The following RAB10 variants were observed in gnomAD, a reference collection of about 807,000 sequenced individuals.
The protein encoded by RAB10 is ras-related protein Rab-10.
In RAB10, 5 loss-of-function variants were observed where a neutral mutation model predicts 25.7. The observed-to-expected ratio is 0.19, with a 90% CI of 0.10 to 0.41. The LOEUF is 0.41. Among genes scored for constraint, RAB10 ranks in the 10% least tolerant of loss-of-function variants. The pLI is 1.00. For synonymous variants in RAB10, 89 were observed against 86.4 expected, an observed-to-expected ratio of 1.03 and a Z score of -0.16; for missense variants, 103 against 245.8, an observed-to-expected ratio of 0.42 and a Z score of 3.89.
At chr2:26,035,502 C>T (rs1232494660) in intron 1 of RAB10, among the ~76,000 whole-genome samples, 3 of 152,142 alleles carry the variant, frequency 2.0e-5, no homozygotes, top group Admixed American at 1.3e-4. Context: ...TTCAGAATTA[C>T]TTAGTGTGGA....
chr2:26,082,734 A>G (rs978653480), intron 1 of RAB10, among the ~76,000 whole-genome samples: 8 of 152,172 alleles, frequency 5.3e-5, no homozygotes, highest in African/African-American at 1.9e-4. Context: ...GCAAGAGGGT[A>G]TGCTTTCCAA....
chr2:26,064,202 A>G (rs1158458721), intron 1 of RAB10, among the ~76,000 whole-genome samples: 1 of 152,232 alleles, frequency 6.6e-6, no homozygotes, highest in African/African-American at 2.4e-5. Context: ...TAATTAATAA[A>G]TAATAATGAG....
At chr2:26,094,801 C>A (rs986346608) in intron 1 of RAB10, among the ~76,000 whole-genome samples, 8 of 152,156 alleles carry the variant, frequency 5.3e-5, no homozygotes, top group African/African-American at 1.4e-4. Context: ...TAAAGTGATA[C>A]CCCCGCCTCA....
At chr2:26,115,866 T>G (rs964811456) in intron 3 of RAB10, among the ~76,000 whole-genome samples, 3 of 151,270 alleles carry the variant, frequency 2.0e-5, no homozygotes, top group East Asian at 1.9e-4. Context: ...TACTGTTTTT[T>G]TTTTTTTTTT....
chr2:26,093,747 C>A (rs1667155291), intron 1 of RAB10, among the ~76,000 whole-genome samples: 1 of 152,156 alleles, frequency 6.6e-6, no homozygotes. Context: ...TACTAAGAGG[C>A]ATTTTCACAA....
intron 1 of RAB10, among the ~76,000 whole-genome samples, chr2:26,074,027 A>G (rs1666682569): frequency 1.3e-5 from 2 of 152,130 alleles, no homozygotes; most frequent in Non-Finnish European, 2.9e-5. Flanking sequence ...CTGGCAACGG[A>G]ATTTGGACTT....
At chr2:26,058,622 T>G (rs1486970942) in intron 1 of RAB10, among the ~76,000 whole-genome samples, 1 of 152,160 alleles carries the variant, frequency 6.6e-6, no homozygotes, top group East Asian at 1.9e-4. Context: ...ATTGTTTTGT[T>G]TACCCTGCAG....
In RAB10 at chr2:26,102,549, C is replaced by T. The variant is rs140926077; in HGVS notation, c.188+3827C>T. Among the ~76,000 whole-genome samples, 499 of 151,874 alleles carry T rather than the reference C, an allele frequency of 3.3e-3. 23 individuals carry two copies. The East Asian group carries it at 0.089, about 27-fold the overall frequency. ...TGCCTCCTGAGTTCATGCCATTCTCCTGCCTCAGCCTCCTGAGCAGCTGGG... is the reference window on the plus strand; with the variant it reads ...TGCCTCCTGAGTTCATGCCATTCTCTTGCCTCAGCCTCCTGAGCAGCTGGG... On this transcript the variant is annotated intron_variant, in intron 2 of 5. Coordinates refer to ENST00000264710, the MANE Select transcript of RAB10 (RefSeq NM_016131.5).
chr2:26,040,975 C>A (rs1665870776), intron 1 of RAB10, among the ~76,000 whole-genome samples: 1 of 151,680 alleles, frequency 6.6e-6, no homozygotes, highest in Non-Finnish European at 1.5e-5. Context: ...GTACACTCAA[C>A]CAATCTCAAA....
chr2:26,056,679 G>GT (rs1222399918), intron 1 of RAB10, among the ~76,000 whole-genome samples: 2 of 152,174 alleles, frequency 1.3e-5, no homozygotes, highest in Non-Finnish European at 2.9e-5. Flanking sequence ...CCTGGCTAGA[G>GT]TGTAGTGGTG....
At chr2:26,033,607 G>A (rs1665680943), upstream of RAB10, among the ~76,000 whole-genome samples, 1 of 152,212 alleles carries the variant, frequency 6.6e-6, no homozygotes, top group Non-Finnish European at 1.5e-5. Flanking sequence ...TCGCGTTTAC[G>A]AGCTCCACCT....
intron 1 of RAB10, among the ~76,000 whole-genome samples, chr2:26,051,753 C>G (rs1182205550): frequency 6.8e-6 from 1 of 146,636 alleles, no homozygotes; most frequent in Admixed American, 6.9e-5. Flanking sequence ...GACTCCGTCT[C>G]CAAAAAAAAA....
At chr2:26,086,830 G>A (rs1384358132) in intron 1 of RAB10, among the ~76,000 whole-genome samples, 3 of 152,120 alleles carry the variant, frequency 2.0e-5, no homozygotes, top group Non-Finnish European at 4.4e-5. Flanking sequence ...TGCATAATAC[G>A]GACGGACCTT....
intron 2 of RAB10, among the ~76,000 whole-genome samples, chr2:26,105,027 G>A (rs573862931): frequency 1.9e-3 from 288 of 152,178 alleles, no homozygotes; most frequent in Non-Finnish European, 3.4e-3. Context: ...GTGAGCCACC[G>A]CGCCCTGCCA....
chr2:26,036,363 C>T (rs933363772), intron 1 of RAB10, among the ~76,000 whole-genome samples: 2 of 152,038 alleles, frequency 1.3e-5, no homozygotes, highest in African/African-American at 4.8e-5. Flanking sequence ...GGAGATGATA[C>T]CTAAAATGAA....
intron 3 of RAB10, among the ~76,000 whole-genome samples, chr2:26,110,340 A>C (rs1235020046): frequency 2.7e-5 from 4 of 148,570 alleles, no homozygotes; most frequent in Non-Finnish European, 6.0e-5. Context: ...TCCGTCTCCA[A>C]AAAAAAAAAA....
chr2:26,085,488 CAA>C (rs530578914), intron 1 of RAB10, among the ~76,000 whole-genome samples: 42 of 81,626 alleles, frequency 5.1e-4, no homozygotes, highest in Admixed American at 5.5e-4. Context: ...GACTGTGTCT[CAA>C]AAAAAAAAAA....
chr2:26,132,887 G>T (rs1002866069), intron 5 of RAB10, among the ~76,000 whole-genome samples: 1 of 151,724 alleles, frequency 6.6e-6, no homozygotes, highest in African/African-American at 2.4e-5. Flanking sequence ...TTCCCAGAGA[G>T]AGAGTATTTT....
chr2:26,052,780 AGATTTTCTAGAGAAT>A (rs1389034101), intron 1 of RAB10, among the ~76,000 whole-genome samples: 1 of 152,072 alleles, frequency 6.6e-6, no homozygotes, highest in Non-Finnish European at 1.5e-5. Flanking sequence ...TATCTGTTGC[AGATTTTCTAGAGAAT>A]GAGCCTTTAG....
Sources: allele counts gnomAD v4.1 joint callset (sites outside exome capture counted in the v4.1 genomes callset), GRCh38; gene constraint gnomAD v4.1.1; transcripts MANE v1.5; gene names NCBI Gene and HGNC (gene_info 2026-07-23, HGNC 2026-07-21).